ELAVL2: variants seen among roughly 807,000 people sequenced by gnomAD.
ELAVL2 encodes the protein ELAV-like protein 2.
ELAVL2 carries 4 observed loss-of-function variants against 34.6 expected under a neutral mutation model. That is an observed-to-expected ratio of 0.12 (90% CI 0.06 to 0.26). The LOEUF is 0.26. ELAVL2 is among the 10% of genes least tolerant of loss of function. The probability of loss-of-function intolerance (pLI) is 1.00; values close to 1 mark genes in which losing one functional copy is unlikely to be tolerated. For missense variants in ELAVL2, 432 were observed against 442.8 expected (o/e 0.98, Z 0.22); for synonymous variants, 193 against 154.8 (o/e 1.25, Z -1.83).
intron 1 of ELAVL2, among the ~76,000 whole-genome samples, chr9:23,764,798 A>G (rs2055864006): frequency 6.6e-6 from 1 of 152,142 alleles, no homozygotes; most frequent in African/African-American, 2.4e-5. Flanking sequence ...TAAAAAAATT[A>G]CATACGAGAG....
At chr9:23,804,115 T>C (rs1204673957) in intron 1 of ELAVL2, among the ~76,000 whole-genome samples, 1 of 152,132 alleles carries the variant, frequency 6.6e-6, no homozygotes, top group Non-Finnish European at 1.5e-5. Flanking sequence ...AAAAAATATA[T>C]ATTTGATGCA....
the ELAVL2 span, among the ~76,000 whole-genome samples, chr9:23,835,319 G>A: frequency 6.6e-6 from 1 of 151,866 alleles, no homozygotes; most frequent in Non-Finnish European, 1.5e-5. Context: ...TTATCATTCT[G>A]TGTTAATTTC....
intron 1 of ELAVL2, among the ~76,000 whole-genome samples, chr9:23,766,931 CCATT>C (rs1263663152): frequency 2.0e-5 from 3 of 152,098 alleles, no homozygotes; most frequent in African/African-American, 7.2e-5. Context: ...TGAAACAGAG[CCATT>C]AATTTTAAGG....
intron 1 of ELAVL2, among the ~76,000 whole-genome samples, chr9:23,798,492 A>G (rs1345942373): frequency 1.3e-5 from 2 of 152,206 alleles, no homozygotes; most frequent in Non-Finnish European, 2.9e-5. Context: ...GTAAGAACTC[A>G]AGTGAGTGAA....
At chr9:23,832,772 G>A in the ELAVL2 span, among the ~76,000 whole-genome samples, 116,288 of 152,102 alleles carry the variant, frequency 0.76, 44,984 homozygotes, top group East Asian at 0.91. Flanking sequence ...AAATGTGATC[G>A]ATCTCAGAAT....
chr9:23,721,773 A>G (rs765779994), intron 3 of ELAVL2, among the ~76,000 whole-genome samples: 5 of 152,054 alleles, frequency 3.3e-5, no homozygotes, highest in African/African-American at 4.8e-5. Flanking sequence ...TGAACAGTAA[A>G]TATATTTTGT....
At chr9:23,790,291 C>A (rs1023530628) in intron 1 of ELAVL2, among the ~76,000 whole-genome samples, 2 of 152,180 alleles carry the variant, frequency 1.3e-5, no homozygotes, top group South Asian at 2.1e-4. Context: ...TATGGAAATG[C>A]CTGGTTGGAT....
chr9:23,814,606 C>G (rs563805631), intron 1 of ELAVL2, among the ~76,000 whole-genome samples: 1 of 152,258 alleles, frequency 6.6e-6, no homozygotes, highest in Non-Finnish European at 1.5e-5. Context: ...AGCCAGCAAT[C>G]AGTAAATAGC....
At chr9:23,705,972 TA>T (rs374553742) in intron 3 of ELAVL2, among the ~76,000 whole-genome samples, 3,081 of 151,818 alleles carry the variant, frequency 0.02, 53 homozygotes, top group South Asian at 0.05. Context: ...GCTACATTTC[TA>T]AAAAAAAATT....
intron 1 of ELAVL2, among the ~76,000 whole-genome samples, chr9:23,769,539 A>G (rs866286857): frequency 4.6e-5 from 7 of 152,110 alleles, no homozygotes; most frequent in South Asian, 2.1e-4. Flanking sequence ...GTTTTCTTTA[A>G]CTCTCTTTGC....
chr9:23,780,088 A>C (rs527291255), intron 1 of ELAVL2, among the ~76,000 whole-genome samples: 1 of 150,186 alleles, frequency 6.7e-6, no homozygotes, highest in Non-Finnish European at 1.5e-5. Flanking sequence ...TGGGTTCCTA[A>C]ATCTGCAGAG....
intron 2 of ELAVL2, among the ~76,000 whole-genome samples, 190 bp from the exon 3 acceptor site, chr9:23,731,315 G>T (rs542581837): frequency 1.3e-5 from 2 of 151,154 alleles, no homozygotes. Flanking sequence ...TCAAGTTTTA[G>T]AACTCAGCAA....
intron 1 of ELAVL2, among the ~76,000 whole-genome samples, chr9:23,799,646 C>A (rs923503050): frequency 2.0e-5 from 3 of 152,174 alleles, no homozygotes; most frequent in African/African-American, 7.2e-5. Context: ...GCAGCCAACA[C>A]CCTAGTTTGA....
intron 1 of ELAVL2, chr9:23,783,321 G>T: frequency 3.2e-6 from 1 of 309,054 alleles, no homozygotes; most frequent in Non-Finnish European, 4.7e-6. Context: ...CTGGAAGACA[G>T]CAAGATCTCA....
the ELAVL2 span, among the ~76,000 whole-genome samples, chr9:23,848,517 TA>T: frequency 6.6e-6 from 1 of 152,142 alleles, no homozygotes; most frequent in Non-Finnish European, 1.5e-5. Context: ...GCTGACTGCA[TA>T]AGGTATCACT....
intron 1 of ELAVL2, among the ~76,000 whole-genome samples, chr9:23,787,933 T>C (rs1304271221): frequency 1.3e-5 from 2 of 152,276 alleles, no homozygotes; most frequent in Middle Eastern, 3.4e-3. Flanking sequence ...GTGGAGGTGC[T>C]GAGGCAGAGC....
At chr9:23,798,685 G>A (rs1398178871) in intron 1 of ELAVL2, among the ~76,000 whole-genome samples, 3 of 152,092 alleles carry the variant, frequency 2.0e-5, no homozygotes, top group Admixed American at 6.5e-5. Context: ...AGACGAGGGA[G>A]GAGTCAGATT....
At chr9:23,728,605 T>C (rs2045826424) in intron 3 of ELAVL2, among the ~76,000 whole-genome samples, 1 of 152,004 alleles carries the variant, frequency 6.6e-6, no homozygotes, top group East Asian at 1.9e-4. Flanking sequence ...ATCACCAGTA[T>C]AGATTAGACG....
chr9:23,838,780 A>T, the ELAVL2 span, among the ~76,000 whole-genome samples: 1 of 152,116 alleles, frequency 6.6e-6, no homozygotes, highest in African/African-American at 2.4e-5. Context: ...CCTTAAAGTG[A>T]TTTGCTTATA....
Sources: allele counts gnomAD v4.1 joint callset (sites outside exome capture counted in the v4.1 genomes callset), GRCh38; gene constraint gnomAD v4.1.1; transcripts MANE v1.5; gene names NCBI Gene and HGNC (gene_info 2026-07-23, HGNC 2026-07-21).